GAS7: variants seen among roughly 807,000 people sequenced by gnomAD.
GAS7 encodes growth arrest-specific protein 7.
In GAS7, 28 loss-of-function variants were observed where a neutral mutation model predicts 71.1. The ratio of observed to expected loss-of-function variants is 0.39; its 90% CI spans 0.29 to 0.54. The LOEUF (loss-of-function observed/expected upper bound fraction) is 0.54, where lower values mean the gene tolerates loss of function less well. Ranked by LOEUF, GAS7 falls within the 20% of genes least tolerant of loss-of-function variation. The pLI, the probability that GAS7 is intolerant of heterozygous loss-of-function variation, is 0.62. For synonymous variants in GAS7, 258 were observed against 245.8 expected, an observed-to-expected ratio of 1.05 and a Z score of -0.46; for missense variants, 436 against 627.8, an observed-to-expected ratio of 0.69 and a Z score of 3.27.
chr17:10,078,598 C>T (rs16959283), intron 1 of GAS7, among the ~76,000 whole-genome samples: 2,809 of 152,146 alleles, frequency 0.018, 79 homozygotes, highest in African/African-American at 0.065. Context: ...CACCATAGGA[C>T]CACCATTGTG....
At chr17:9,962,318 ACATCT>A (rs1317945241) in intron 4 of GAS7, among the ~76,000 whole-genome samples, 2 of 152,140 alleles carry the variant, frequency 1.3e-5, no homozygotes, top group African/African-American at 4.8e-5. Context: ...AGAAGGAATG[ACATCT>A]CATCACAGTG....
chr17:10,086,434 C>G (rs374382383), intron 1 of GAS7, among the ~76,000 whole-genome samples: 1 of 152,200 alleles, frequency 6.6e-6, no homozygotes, highest in East Asian at 1.9e-4. Context: ...TTCATTTTCA[C>G]CCGGCATTCC....
chr17:10,007,846 A>G (rs1280195552), intron 2 of GAS7, among the ~76,000 whole-genome samples: 1 of 151,994 alleles, frequency 6.6e-6, no homozygotes, highest in African/African-American at 2.4e-5. Context: ...AAACATTTTT[A>G]TTGTCTCAAA....
At chr17:10,067,507 T>C (rs112091980) in intron 1 of GAS7, among the ~76,000 whole-genome samples, 7,428 of 152,234 alleles carry the variant, frequency 0.049, 260 homozygotes, top group Middle Eastern at 0.092. Context: ...CCCAAAGTGC[T>C]GGGATTACAA....
At position 9,974,516 on chromosome 17, in the gene GAS7, A is replaced by G. The variant is rs1051574031; in HGVS notation, c.386-4754T>C. On this transcript the variant is annotated intron_variant, in intron 3 of 13. Transcript: ENST00000432992. The surrounding 1 kb of genome is among the most constrained non-coding windows in gnomAD (Gnocchi z 4.0). Reference sequence around the variant, plus strand: ...CATAATTCAGTCTGGAGATACAAGGAAAAAAAAAAAGCAAATGTCACACTC... The same window carrying G: ...CATAATTCAGTCTGGAGATACAAGGGAAAAAAAAAAGCAAATGTCACACTC... 1.4e-5 allele frequency among the ~76,000 whole-genome samples: 2 copies of G among 140,414 alleles called. No individual in the cohort carries two copies. The highest frequency in any genetic ancestry group is 3.2e-5 in the Non-Finnish European group (2 of 62,714). The allele number at this position is 140,414 out of a possible 152,430, so 92.1% of individuals were successfully genotyped here. A position where few individuals can be genotyped will look rare whatever the true frequency, so the allele number is the denominator to read the frequency against.
chr17:10,157,439 C>G (rs916498482), intron 1 of GAS7, among the ~76,000 whole-genome samples: 1 of 152,210 alleles, frequency 6.6e-6, no homozygotes, highest in South Asian at 2.1e-4. Context: ...GTTGGTCAAA[C>G]CGCTTTATAA....
intron 11 of GAS7, among the ~76,000 whole-genome samples, chr17:9,922,200 G>A (rs931971593): frequency 7.7e-5 from 9 of 117,538 alleles, no homozygotes; most frequent in Non-Finnish European, 1.7e-4. Flanking sequence ...TGATGAAGAT[G>A]ATGATGATGA....
intron 2 of GAS7, among the ~76,000 whole-genome samples, chr17:9,994,194 T>C (rs1293204051): frequency 2.0e-5 from 3 of 150,878 alleles, no homozygotes; most frequent in Non-Finnish European, 4.4e-5. Context: ...AAAGTTCATA[T>C]GGAACCAAAA....
At chr17:10,014,140 C>T (rs2071897073) in intron 2 of GAS7, among the ~76,000 whole-genome samples, 1 of 152,186 alleles carries the variant, frequency 6.6e-6, no homozygotes, top group Non-Finnish European at 1.5e-5. Flanking sequence ...TTCTTTCTTC[C>T]TAACCTGTTC....
intron 1 of GAS7, 37 bp from the exon 2 acceptor site, chr17:10,019,934 C>A: frequency 6.2e-7 from 1 of 1,602,832 alleles, no homozygotes; most frequent in Non-Finnish European, 8.5e-7. Flanking sequence ...ACCCATTTGG[C>A]ATTTTTGCAA....
At chr17:10,056,820 C>T (rs907001951) in intron 1 of GAS7, among the ~76,000 whole-genome samples, 2 of 151,774 alleles carry the variant, frequency 1.3e-5, no homozygotes, top group African/African-American at 4.9e-5. Context: ...TCTCTTTCCA[C>T]GGTCTCCCTC....
intron 4 of GAS7, among the ~76,000 whole-genome samples, chr17:9,964,545 C>T (rs569745231): frequency 7.9e-5 from 12 of 152,302 alleles, no homozygotes; most frequent in South Asian, 4.1e-4. Flanking sequence ...CAGGCATCCA[C>T]GATGCTATTC....
intron 1 of GAS7, among the ~76,000 whole-genome samples, chr17:10,102,478 G>C (rs1326601475): frequency 2.0e-5 from 3 of 152,072 alleles, no homozygotes; most frequent in African/African-American, 7.2e-5. Flanking sequence ...ACGCAAGGTT[G>C]GGCAGCTAGA....
chr17:10,031,710 A>G lies in GAS7; in HGVS notation c.184-11813T>C, dbSNP rs75594767. Among the ~76,000 whole-genome samples the G allele has an allele frequency of 1.0e-3, 153 of 152,320 alleles. 1 individual carries two copies. In the East Asian group the frequency reaches 0.027, roughly 27 times the overall value. On this transcript the variant is annotated intron_variant, in intron 1 of 13. Transcript: ENST00000432992. ...GCCAGTTAATAGGGTTCCAGAGGAG[A>G]CAATGCAAGAAATGAGGAAAACTCT...
At chr17:10,145,597 C>T (rs371474996) in intron 1 of GAS7, among the ~76,000 whole-genome samples, 61 of 152,316 alleles carry the variant, frequency 4.0e-4, no homozygotes, top group African/African-American at 1.3e-3. Context: ...CAGCAGCAGC[C>T]GGATCTGTGC....
chr17:10,167,181 C>T (rs1314160235), intron 1 of GAS7, among the ~76,000 whole-genome samples: 1 of 151,396 alleles, frequency 6.6e-6, no homozygotes, highest in Non-Finnish European at 1.5e-5. Flanking sequence ...CCTCAGCCTC[C>T]CGAGTAGCTG....
In GAS7 at chr17:10,130,757, G is replaced by A. The variant is rs1312880472; in HGVS notation, c.183+67451C>T. Among the ~76,000 whole-genome samples the A allele has an allele frequency of 2.0e-5, 3 of 152,316 alleles. No individual in the cohort carries two copies. In the East Asian group the frequency reaches 5.8e-4, roughly 29 times the overall value. On this transcript the variant is annotated intron_variant, in intron 1 of 13. Transcript: ENST00000432992. ...AAGTGAAACAAGCCAGACACAAAAGGCTGCATATTATATTGTTCTATTTAT... is the reference window on the plus strand; with the variant it reads ...AAGTGAAACAAGCCAGACACAAAAGACTGCATATTATATTGTTCTATTTAT...
At chr17:9,921,792 T>C (rs540157940) in intron 11 of GAS7, among the ~76,000 whole-genome samples, 1 of 152,070 alleles carries the variant, frequency 6.6e-6, no homozygotes, top group South Asian at 2.1e-4. Context: ...ACCCCGTCTC[T>C]ACTAAAAATA....
intron 13 of GAS7, 125 bp from the exon 14 acceptor site, chr17:9,917,466 C>G (rs767726347): frequency 2.9e-6 from 2 of 689,996 alleles, no homozygotes; most frequent in Non-Finnish European, 5.1e-6. Context: ...GCTCCGGGGC[C>G]CCAGGGGGAG....
Sources: allele counts gnomAD v4.1 joint callset (sites outside exome capture counted in the v4.1 genomes callset), GRCh38; gene constraint gnomAD v4.1.1; non-coding constraint Gnocchi (gnomAD v3.1); transcripts MANE v1.5; gene names NCBI Gene and HGNC (gene_info 2026-07-23, HGNC 2026-07-21).